Variants in SLC24A2 observed in about 807,000 individuals in gnomAD.
SLC24A2 encodes the protein sodium/potassium/calcium exchanger 2.
Under a neutral mutation model 62.0 loss-of-function variants are expected in SLC24A2, and 36 were observed. The ratio of observed to expected loss-of-function variants is 0.58; its 90% CI spans 0.44 to 0.77. The LOEUF (loss-of-function observed/expected upper bound fraction) is 0.77, where lower values mean the gene tolerates loss of function less well. Among genes scored for constraint, SLC24A2 ranks in the 30% least tolerant of loss-of-function variants. The probability of loss-of-function intolerance (pLI) is 0.00; values close to 1 mark genes in which losing one functional copy is unlikely to be tolerated. For synonymous variants in SLC24A2, 358 were observed against 294.0 expected, an observed-to-expected ratio of 1.22 and a Z score of -2.23; for missense variants, 846 against 817.9, an observed-to-expected ratio of 1.03 and a Z score of -0.42.
the SLC24A2 span, among the ~76,000 whole-genome samples, chr9:20,123,204 A>G: frequency 6.6e-6 from 1 of 152,152 alleles, no homozygotes; most frequent in African/African-American, 2.4e-5. Flanking sequence ...AATGGAAACT[A>G]TAAGCTAGCT....
At chr9:20,111,786 G>T in the SLC24A2 span, among the ~76,000 whole-genome samples, 5 of 151,964 alleles carry the variant, frequency 3.3e-5, no homozygotes, top group African/African-American at 9.7e-5. Flanking sequence ...ACTATTATCT[G>T]GTCCCCATTG....
the SLC24A2 span, among the ~76,000 whole-genome samples, chr9:20,035,798 C>T: frequency 6.6e-6 from 1 of 152,092 alleles, no homozygotes; most frequent in African/African-American, 2.4e-5. Flanking sequence ...CTCTCTGAAC[C>T]TTTGAAAGGT....
chr9:20,143,878 C>T, the SLC24A2 span, among the ~76,000 whole-genome samples: 5 of 152,258 alleles, frequency 3.3e-5, no homozygotes, highest in Admixed American at 2.6e-4. Flanking sequence ...TTTGATGGTG[C>T]GTTATCATAA....
chr9:20,014,365 C>T, the SLC24A2 span, among the ~76,000 whole-genome samples: 1 of 151,864 alleles, frequency 6.6e-6, no homozygotes, highest in African/African-American at 2.4e-5. Context: ...ACCCAGTAAC[C>T]CCACTTCTGG....
chr9:19,781,542 T>G (rs1455639864), intron 2 of SLC24A2, among the ~76,000 whole-genome samples: 1 of 152,162 alleles, frequency 6.6e-6, no homozygotes, highest in Non-Finnish European at 1.5e-5. Context: ...TCAAAATGCC[T>G]AGTTCACTCT....
chr9:19,560,879 T>TTGTGTGTGTG (rs779469797), intron 7 of SLC24A2, among the ~76,000 whole-genome samples: 286 of 137,104 alleles, frequency 2.1e-3, no homozygotes, highest in African/African-American at 2.6e-3. Context: ...GTCTTTGCAT[T>TTGTGTGTGTG]TGTGTGTGTG....
In SLC24A2 at chr9:19,584,293, AC is replaced by A. The variant is rs869135502; in HGVS notation, c.1130-7272del. On this transcript the variant is annotated intron_variant, in intron 5 of 10. Coordinates refer to ENST00000341998, the MANE Select transcript of SLC24A2 (RefSeq NM_020344.4). ...AATAGTAAAAAAAAAAAAAAAAAAA[AC>A]AAACAAAAAACAAAACAAAACAAAC... Among the ~76,000 whole-genome samples the A allele has an allele frequency of 7.7e-3, 797 of 103,422 alleles. 13 individuals carry two copies. The East Asian group carries it at 0.1, about 13-fold the overall frequency. The allele number at this position is 103,422 out of a possible 152,430, so 67.8% of individuals were successfully genotyped here.
chr9:20,185,029 T>A, the SLC24A2 span, among the ~76,000 whole-genome samples: 1 of 152,092 alleles, frequency 6.6e-6, no homozygotes, highest in African/African-American at 2.4e-5. Context: ...CACTTACATA[T>A]GAAATCTAAA....
At chr9:19,550,023 A>G in intron 8 of SLC24A2, 114 bp downstream of exon 8, 2 of 1,087,534 alleles carry the variant, frequency 1.8e-6, no homozygotes, top group Non-Finnish European at 2.8e-6. Context: ...TATATGTGAG[A>G]TTTTGATACA....
At chr9:19,743,181 A>C (rs901741897) in intron 2 of SLC24A2, among the ~76,000 whole-genome samples, 1 of 152,216 alleles carries the variant, frequency 6.6e-6, no homozygotes, top group African/African-American at 2.4e-5. Context: ...TCTGCATCAC[A>C]TCAGCATTAG....
At chr9:20,094,083 A>G in the SLC24A2 span, among the ~76,000 whole-genome samples, 1 of 152,224 alleles carries the variant, frequency 6.6e-6, no homozygotes, top group African/African-American at 2.4e-5. Flanking sequence ...AGGTGTTGAT[A>G]TTTGGACTGA....
rs577640806 is a variant in SLC24A2 at position 19,550,471 on chromosome 9, T to C, written c.1348-203A>G. Among the ~76,000 whole-genome samples, 111 of 152,336 alleles carry C rather than the reference T, an allele frequency of 7.3e-4. 1 individual carries two copies. Among genetic ancestry groups the C allele is most frequent in the African/African-American group, 2.6e-3 (108 of 41,582 alleles). Reference sequence around the variant, plus strand: ...AATACATTGTCCAGCCATGAGCATGTAAGAATTTTCTTTTATCTCCTTGAA... The same window carrying C: ...AATACATTGTCCAGCCATGAGCATGCAAGAATTTTCTTTTATCTCCTTGAA... On this transcript the variant is annotated intron_variant, in intron 7 of 10. Transcript: ENST00000341998.
the SLC24A2 span, among the ~76,000 whole-genome samples, chr9:19,902,917 G>T: frequency 1.3e-5 from 2 of 152,046 alleles, no homozygotes; most frequent in Non-Finnish European, 2.9e-5. Flanking sequence ...ACGTTCCCTT[G>T]CAGTCTTTCA....
intron 2 of SLC24A2, among the ~76,000 whole-genome samples, chr9:19,702,851 T>C (rs1820395454): frequency 6.6e-6 from 1 of 152,098 alleles, no homozygotes; most frequent in South Asian, 2.1e-4. Flanking sequence ...AAATAGAAAA[T>C]AAATAAATTC....
At chr9:20,215,295 C>T in the SLC24A2 span, among the ~76,000 whole-genome samples, 2 of 152,156 alleles carry the variant, frequency 1.3e-5, no homozygotes, top group Non-Finnish European at 2.9e-5. Context: ...AATACCATCA[C>T]CCTGGAGGTT....
At chr9:20,007,879 C>CTTTTTTTT in the SLC24A2 span, among the ~76,000 whole-genome samples, 58 of 39,542 alleles carry the variant, frequency 1.5e-3, 21 homozygotes, top group African/African-American at 3.3e-3. Context: ...TTACTCCTCT[C>CTTTTTTTT]TTTTTTTTTT....
chr9:19,851,909 G>C, the SLC24A2 span, among the ~76,000 whole-genome samples: 1 of 152,174 alleles, frequency 6.6e-6, no homozygotes, highest in East Asian at 1.9e-4. Flanking sequence ...TCATCACAGT[G>C]TCTTCCACAG....
At chr9:19,730,042 T>C (rs1227258784) in intron 2 of SLC24A2, among the ~76,000 whole-genome samples, 3 of 152,006 alleles carry the variant, frequency 2.0e-5, no homozygotes, top group Non-Finnish European at 4.4e-5. Context: ...AATAGAAAAG[T>C]ACTGCCATTT....
At chr9:19,701,169 C>T (rs1820345180) in intron 2 of SLC24A2, among the ~76,000 whole-genome samples, 2 of 152,180 alleles carry the variant, frequency 1.3e-5, no homozygotes, top group South Asian at 4.1e-4. Flanking sequence ...GGAAGATTAA[C>T]CTGTTAGGTG....
Sources: gnomAD v4.1 joint callset for allele counts (sites outside exome capture counted in the v4.1 genomes callset) on GRCh38, gnomAD v4.1.1 for gene constraint, MANE v1.5 for transcripts, NCBI Gene and HGNC (gene_info 2026-07-23, HGNC 2026-07-21) for gene names.